Variants in OSBPL10 observed in about 807,000 individuals in gnomAD.
OSBPL10 encodes the protein oxysterol binding protein like 10.
In OSBPL10, 49 loss-of-function variants were observed where a neutral mutation model predicts 81.7. The observed-to-expected ratio is 0.60, with a 90% confidence interval of 0.48 to 0.76. The LOEUF is 0.76. OSBPL10 is among the 30% of genes least tolerant of loss of function. OSBPL10 has a pLI of 0.00. For missense variants in OSBPL10, 923 were observed against 987.8 expected, an observed-to-expected ratio of 0.93 and a Z score of 0.88; for synonymous variants, 419 against 383.6, an observed-to-expected ratio of 1.09 and a Z score of -1.08.
intron 6 of OSBPL10, among the ~76,000 whole-genome samples, chr3:31,728,820 GA>G (rs1367329383): frequency 6.6e-6 from 1 of 152,176 alleles, no homozygotes; most frequent in Non-Finnish European, 1.5e-5. Context: ...TCCCTCACCT[GA>G]AATGCCTGGG....
At chr3:31,802,238 A>G (rs868320848) in intron 4 of OSBPL10, among the ~76,000 whole-genome samples, 1 of 151,874 alleles carries the variant, frequency 6.6e-6, no homozygotes, top group Non-Finnish European at 1.5e-5. Flanking sequence ...GAAGGTATGG[A>G]AAACATTTCT....
At chr3:31,924,036 G>C (rs1216751344) in intron 1 of OSBPL10, among the ~76,000 whole-genome samples, 1 of 152,030 alleles carries the variant, frequency 6.6e-6, no homozygotes, top group Non-Finnish European at 1.5e-5. Context: ...GGCCAACATA[G>C]TGAAACCCTG....
chr3:31,791,135 G>A (rs1388132633), intron 4 of OSBPL10, among the ~76,000 whole-genome samples: 2 of 151,926 alleles, frequency 1.3e-5, no homozygotes, highest in African/African-American at 2.4e-5. Context: ...AACATTTTTT[G>A]TTTTAAAATA....
intron 1 of OSBPL10, among the ~76,000 whole-genome samples, chr3:31,975,584 G>C (rs750995072): frequency 1.3e-5 from 2 of 152,156 alleles, no homozygotes; most frequent in African/African-American, 2.4e-5. Flanking sequence ...GGTGAGTTGT[G>C]GTGGGCCCTA....
intron 2 of OSBPL10, among the ~76,000 whole-genome samples, chr3:32,043,037 T>G (rs1699591369): frequency 6.6e-6 from 1 of 152,056 alleles, no homozygotes; most frequent in African/African-American, 2.4e-5. Context: ...GACCTCAAAT[T>G]TACTGGGGCG....
intron 2 of OSBPL10, among the ~76,000 whole-genome samples, chr3:32,008,756 A>C (rs1257424026): frequency 8.3e-6 from 1 of 119,858 alleles, no homozygotes; most frequent in Non-Finnish European, 1.6e-5. Context: ...TGAGATCCTG[A>C]CTGGAAAAAA....
chr3:31,974,749 G>A (rs184063794), intron 1 of OSBPL10, among the ~76,000 whole-genome samples: 16 of 152,320 alleles, frequency 1.1e-4, no homozygotes, highest in African/African-American at 3.6e-4. Flanking sequence ...GAAAGGGGCT[G>A]TGGGGGACAG....
intron 8 of OSBPL10, among the ~76,000 whole-genome samples, chr3:31,672,286 G>T (rs1313612514): frequency 6.9e-6 from 1 of 144,264 alleles, no homozygotes; most frequent in Non-Finnish European, 1.5e-5. Context: ...GAGAGGTTAA[G>T]TAATTCAGCT....
intron 2 of OSBPL10, among the ~76,000 whole-genome samples, chr3:32,008,094 C>T (rs1392800471): frequency 6.6e-6 from 1 of 151,912 alleles, no homozygotes; most frequent in Non-Finnish European, 1.5e-5. Context: ...ACAGTGTAGA[C>T]ATTTGGGGGC....
chr3:31,907,752 T>C (rs1029439318), intron 1 of OSBPL10, among the ~76,000 whole-genome samples: 3 of 152,052 alleles, frequency 2.0e-5, no homozygotes, highest in African/African-American at 7.3e-5. Flanking sequence ...ATTATGAGGT[T>C]CCCTATTCAA....
intron 1 of OSBPL10, among the ~76,000 whole-genome samples, chr3:31,880,166 T>C (rs1695520261): frequency 6.6e-6 from 1 of 152,366 alleles, no homozygotes; most frequent in Non-Finnish European, 1.5e-5. Flanking sequence ...ACACAGCCTC[T>C]TGCAACATGC....
intron 4 of OSBPL10, among the ~76,000 whole-genome samples, chr3:31,768,263 G>A (rs1384178922): frequency 6.6e-6 from 1 of 152,040 alleles, no homozygotes; most frequent in African/African-American, 2.4e-5. Flanking sequence ...TGGCCCCCTT[G>A]GTTTTGGTAG....
At chr3:31,813,083 C>T (rs1207685693) in intron 4 of OSBPL10, among the ~76,000 whole-genome samples, 1 of 152,160 alleles carries the variant, frequency 6.6e-6, no homozygotes, top group African/African-American at 2.4e-5. Flanking sequence ...AATAAAAATA[C>T]AGGAATGGTT....
intron 1 of OSBPL10, among the ~76,000 whole-genome samples, chr3:31,927,819 A>C (rs2125714928): frequency 6.6e-6 from 1 of 152,312 alleles, no homozygotes. Flanking sequence ...TGAGTGAATA[A>C]TTGTGGGGTT....
At chr3:32,030,357 C>T in intron 2 of OSBPL10, 2 of 543,408 alleles carry the variant, frequency 3.7e-6, no homozygotes, top group South Asian at 1.7e-5. Context: ...GAATGCCCCA[C>T]AAGAGGCACC....
At chr3:31,731,929 C>G (rs1218509877) in intron 6 of OSBPL10, among the ~76,000 whole-genome samples, 1 of 152,100 alleles carries the variant, frequency 6.6e-6, no homozygotes, top group Admixed American at 6.5e-5. Context: ...GAACACCTAT[C>G]AGAAAAACAG....
chr3:31,879,584 T>A, intron 2 of OSBPL10, 71 bp downstream of exon 2: 1 of 1,480,246 alleles, frequency 6.8e-7, no homozygotes, highest in East Asian at 2.3e-5. Flanking sequence ...AAACAAAAAA[T>A]CAAAAAACAA....
chr3:32,068,036 AC>A (rs1354511489), intron 1 of OSBPL10, among the ~76,000 whole-genome samples: 8 of 152,198 alleles, frequency 5.3e-5, no homozygotes, highest in Non-Finnish European at 1.2e-4. Context: ...CCTCAGACCA[AC>A]CAGCCCAAGG....
intron 5 of OSBPL10, among the ~76,000 whole-genome samples, chr3:31,746,330 C>T (rs1401473236): frequency 1.3e-5 from 2 of 152,054 alleles, no homozygotes; most frequent in East Asian, 3.9e-4. Flanking sequence ...ATCCGAGAGT[C>T]GCTGGGTATA....
Sources: allele counts gnomAD v4.1 joint callset (sites outside exome capture counted in the v4.1 genomes callset), GRCh38; gene constraint gnomAD v4.1.1; transcripts MANE v1.5; gene names NCBI Gene and HGNC (gene_info 2026-07-23, HGNC 2026-07-21).